FYCO1: variants seen among roughly 807,000 people sequenced by gnomAD.
The protein encoded by FYCO1 is FYVE and coiled-coil domain-containing protein 1.
A neutral mutation model predicts 165.1 loss-of-function variants in FYCO1; 122 were observed. The observed-to-expected ratio is 0.74, with a 90% CI of 0.64 to 0.86. FYCO1 has a LOEUF of 0.86. Among genes scored for constraint, FYCO1 ranks in the 40% least tolerant of loss-of-function variants. The pLI, the probability that FYCO1 is intolerant of heterozygous loss-of-function variation, is 0.00. For synonymous variants in FYCO1, 648 were observed against 742.5 expected (o/e 0.87, Z 2.07); for missense variants, 1,702 against 1,810.3 (o/e 0.94, Z 1.09).
In FYCO1 at chr3:45,962,156, G is replaced by T; in HGVS notation, c.3437+69C>A. ...TTTCTGAAGTATGCTTTCAAGAACAGCTGCATTTCTTTAGAGAAAAACCCC... is the reference window on the plus strand; with the variant it reads ...TTTCTGAAGTATGCTTTCAAGAACATCTGCATTTCTTTAGAGAAAAACCCC... On this transcript the variant is annotated intron_variant, in intron 11 of 17. Transcript: ENST00000296137. This position sits in a 1 kb window ranked among gnomAD's most constrained non-coding sequence, Gnocchi z 4.4. 1 of 1,515,092 alleles carries T rather than the reference G, an allele frequency of 6.6e-7. No individual in the cohort carries two copies. Among genetic ancestry groups the T allele is most frequent in the Non-Finnish European group, 9.2e-7 (1 of 1,090,298 alleles). The allele number at this position is 1,515,092 out of a possible 1,614,324, so 93.9% of individuals were successfully genotyped here. A position where few individuals can be genotyped will look rare whatever the true frequency, so the allele number is the denominator to read the frequency against.
At chr3:45,991,700 C>G (rs534518610) in intron 1 of FYCO1, among the ~76,000 whole-genome samples, 38 of 131,602 alleles carry the variant, frequency 2.9e-4, no homozygotes, top group African/African-American at 8.4e-4. Context: ...TCCTTCACCC[C>G]ATCCTGGAAA....
chr3:45,946,833 C>T (rs1490671584), intron 14 of FYCO1: 4 of 1,614,224 alleles, frequency 2.5e-6, no homozygotes, highest in East Asian at 4.5e-5. Context: ...CACGTCCATG[C>T]TCATCCTCAC....
rs1705852954 is a variant in FYCO1, at chr3:45,964,050, T to C, written c.3269+286A>G. Among the ~76,000 whole-genome samples, 1 of 152,228 alleles carries C rather than the reference T, an allele frequency of 6.6e-6. No individual in the cohort carries two copies. Among genetic ancestry groups the C allele is most frequent in the Non-Finnish European group, 1.5e-5 (1 of 68,036 alleles). The stretch of plus-strand genomic sequence containing the variant: ...ATTATTATTATGATCTAACTTTTAT[T>C]TCATTTTAGTTTTTCCAAAGCTTGC... On this transcript the variant is annotated intron_variant, in intron 10 of 17. Transcript: ENST00000296137. This position sits in a 1 kb window ranked among gnomAD's most constrained non-coding sequence, Gnocchi z 4.1.
At chr3:45,971,493 A>G (rs531526857) in intron 6 of FYCO1, among the ~76,000 whole-genome samples, 1 of 152,382 alleles carries the variant, frequency 6.6e-6, no homozygotes, top group South Asian at 2.1e-4. Context: ...GCACCGCCTT[A>G]CCCAAATGAC....
At chr3:45,963,620 T>C (rs1705824541) in intron 10 of FYCO1, among the ~76,000 whole-genome samples, 1 of 152,206 alleles carries the variant, frequency 6.6e-6, no homozygotes, top group Non-Finnish European at 1.5e-5. Context: ...TGCAATTCGA[T>C]TCCAGCAACT....
intron 17 of FYCO1, among the ~76,000 whole-genome samples, chr3:45,923,381 C>T (rs1211837158): frequency 1.3e-5 from 2 of 152,172 alleles, no homozygotes; most frequent in African/African-American, 2.4e-5. Context: ...GGCCAGACCG[C>T]CTGGTTCAGA....
At chr3:45,921,982 T>A in intron 17 of FYCO1, 142 bp from the exon 18 acceptor site, 2 of 703,286 alleles carry the variant, frequency 2.8e-6, no homozygotes, top group Non-Finnish European at 5.3e-6. Flanking sequence ...ATTTCCTGTC[T>A]GTCTAGTGGA....
At position 45,918,221 on chromosome 3, in the gene FYCO1, T is replaced by A. The variant is rs1417089528; in HGVS notation, c.*3544A>T. On this transcript the variant is annotated 3_prime_UTR_variant, in exon 18 of 18. Coordinates refer to ENST00000296137, the MANE Select transcript of FYCO1 (RefSeq NM_024513.4). Reference sequence around the variant, plus strand: ...CCACCAGAGGCAGAGTGTCTCTGCATAACATACATCAAGCAGCCTTTTTCT... The same window carrying A: ...CCACCAGAGGCAGAGTGTCTCTGCAAAACATACATCAAGCAGCCTTTTTCT... 6.6e-6 allele frequency: 1 copy of A among 152,640 alleles called. No individual in the cohort carries two copies. The highest frequency in any genetic ancestry group is 1.5e-5 in the Non-Finnish European group (1 of 68,042). 9.5% of individuals were successfully genotyped at this position (152,640 alleles called of 1,614,324 possible). A position where few individuals can be genotyped will look rare whatever the true frequency, so the allele number is the denominator to read the frequency against.
In FYCO1 at chr3:45,946,489, A is replaced by C. The variant is rs1196953585; in HGVS notation, c.3944+8760T>G. 7 of 1,612,338 alleles carry C rather than the reference A, an allele frequency of 4.3e-6. No individual in the cohort carries two copies. In the Admixed American group the frequency reaches 8.3e-5, roughly 19 times the overall value. ...TTCATCAGAACAGACACCATGGCAGAGCATGATTACCATGAAGACTATGGG... is the reference window on the plus strand; with the variant it reads ...TTCATCAGAACAGACACCATGGCAGCGCATGATTACCATGAAGACTATGGG... On this transcript the variant is annotated intron_variant, in intron 14 of 17. Transcript: ENST00000296137.
Position 45,966,927 on chromosome 3 carries a change from G to C in FYCO1, c.2407C>G (p.Leu803Val), listed in dbSNP as rs1706066323. The change falls in exon 8 of 18, where the codon CTG becomes GTG. Residue 803 changes from leucine to valine, a missense_variant. Leu to Val is a conservative substitution (Grantham distance 32). Transcript: ENST00000296137. ...CTCTGCACCTTGTCCTGGTCATCCA[G>C]GGCTGCCCGCATCTTGGCCTGGAGG... is the stretch of plus-strand genomic sequence containing the variant. ...VDLQAKMRAALDDQDKVQSQL... is the reference protein window; with the variant it reads ...VDLQAKMRAAVDDQDKVQSQL... The C allele has an allele frequency of 1.2e-6, 2 of 1,613,648 alleles. No individual in the cohort carries two copies. The highest frequency in any genetic ancestry group is 1.7e-6 in the Non-Finnish European group (2 of 1,180,044).
Position 45,931,733 on chromosome 3 carries a change from T to C in FYCO1, c.4041-452A>G, listed in dbSNP as rs573357579. Among the ~76,000 whole-genome samples the C allele has an allele frequency of 2.1e-4, 32 of 152,322 alleles. No individual in the cohort carries two copies. The South Asian group carries it at 3.1e-3, about 15-fold the overall frequency. ...TCCCTGCCTCGCCCTTTCACCTAAT[T>C]AGTACAAGCCTCCCAGCCTTCTGAT... On this transcript the variant is annotated intron_variant, in intron 15 of 17. Transcript: ENST00000296137.
At chr3:45,931,387 T>C in intron 15 of FYCO1, 106 bp from the exon 16 acceptor site, 1 of 1,040,692 alleles carries the variant, frequency 9.6e-7, no homozygotes. Context: ...CGGAGACTCT[T>C]GAGAGGACAA....
chr3:45,973,694 A>G (rs1162777246), intron 5 of FYCO1, among the ~76,000 whole-genome samples: 4 of 152,248 alleles, frequency 2.6e-5, no homozygotes, highest in Non-Finnish European at 4.4e-5. Context: ...CAGGGTGAGA[A>G]AAAATAAAAT....
chr3:45,956,806 ATGTCAATTCTCCCCAAAC>A (rs1488009517), intron 13 of FYCO1, among the ~76,000 whole-genome samples: 1 of 152,226 alleles, frequency 6.6e-6, no homozygotes, highest in Non-Finnish European at 1.5e-5. Context: ...TTTTATTAAG[ATGTCAATTCTCCCCAAAC>A]TGAACTAGAG....
intron 14 of FYCO1, chr3:45,946,875 G>C: frequency 6.2e-7 from 1 of 1,614,222 alleles, no homozygotes; most frequent in East Asian, 2.2e-5. Context: ...CATTGTAGTG[G>C]TTAAGGCCAC....
At chr3:45,991,107 T>C (rs963195003) in intron 1 of FYCO1, among the ~76,000 whole-genome samples, 1 of 152,242 alleles carries the variant, frequency 6.6e-6, no homozygotes, top group Non-Finnish European at 1.5e-5. Flanking sequence ...AAAAATTCTA[T>C]TTCTCTGATT....
rs1706239144 is a variant in FYCO1 at position 45,968,527 on chromosome 3, C to A, written c.807G>T (p.Gln269His). 4 of 1,614,052 alleles carry A rather than the reference C, an allele frequency of 2.5e-6. No homozygotes were observed. Among genetic ancestry groups the A allele is most frequent in the Non-Finnish European group, 3.4e-6 (4 of 1,180,048 alleles). ...ENQELRAAVS[Q>H]QGEQLQTERE... ...TCTCTGTCTGCAGTTGCTCCCCTTG[C>A]TGGCTGACAGCTGCCCTCAGCTCCT... Residue 269 changes from glutamine to histidine, a missense_variant, in exon 8 of 18, where the codon CAG becomes CAT. Gln to His is a conservative substitution (Grantham distance 24, BLOSUM62 0). Transcript: ENST00000296137.
intron 6 of FYCO1, among the ~76,000 whole-genome samples, chr3:45,972,548 T>C (rs1706499587): frequency 6.6e-6 from 1 of 152,250 alleles, no homozygotes; most frequent in African/African-American, 2.4e-5. Context: ...CCTGATCCTC[T>C]GAGCCTGTTC....
chr3:45,983,533 G>A (rs1033043610), intron 2 of FYCO1, among the ~76,000 whole-genome samples: 4 of 152,164 alleles, frequency 2.6e-5, no homozygotes, highest in African/African-American at 9.7e-5. Flanking sequence ...GATAGACAAT[G>A]GTCTAGATCA....
Sources: gnomAD v4.1 joint callset for allele counts (sites outside exome capture counted in the v4.1 genomes callset) on GRCh38, gnomAD v4.1.1 for gene constraint, Gnocchi (gnomAD v3.1) non-coding constraint, MANE v1.5 for transcripts, NCBI Gene and HGNC (gene_info 2026-07-23, HGNC 2026-07-21) for gene names.